The following SAMD3 variants were observed in gnomAD, a reference collection of about 807,000 sequenced individuals.
SAMD3 encodes sterile alpha motif domain-containing protein 3.
A neutral mutation model predicts 58.5 loss-of-function variants in SAMD3; 63 were observed. That is an observed-to-expected ratio of 1.08 (90% confidence interval 0.88 to 1.33). The LOEUF (loss-of-function observed/expected upper bound fraction) is 1.33. Ranked by LOEUF, SAMD3 falls within the 40% of genes most tolerant of loss-of-function variation. The pLI, the probability that SAMD3 is intolerant of heterozygous loss-of-function variation, is 0.00. For missense variants in SAMD3, 604 were observed against 608.4 expected (o/e 0.99, Z 0.08); for synonymous variants, 220 against 210.3 (o/e 1.05, Z -0.40).
At chr6:130,360,934 C>G (rs561980123) in intron 1 of SAMD3, among the ~76,000 whole-genome samples, 3 of 152,140 alleles carry the variant, frequency 2.0e-5, no homozygotes, top group African/African-American at 7.2e-5. Flanking sequence ...GGCTCTGTCC[C>G]GCCCGGCTCA....
At chr6:130,166,819 A>G (rs1790774448) in intron 8 of SAMD3, among the ~76,000 whole-genome samples, 1 of 152,206 alleles carries the variant, frequency 6.6e-6, no homozygotes, top group Non-Finnish European at 1.5e-5. Flanking sequence ...CACAGCAAGA[A>G]TGAAATTATG....
Position 130,271,406 on chromosome 6 carries a change from C to T in SAMD3, c.-188+41572G>A, listed in dbSNP as rs545587256. Among the ~76,000 whole-genome samples the T allele has an allele frequency of 4.5e-4, 69 of 152,240 alleles. No homozygotes were observed. In the Middle Eastern group the frequency reaches 0.01, roughly 23 times the overall value. On this transcript the variant is annotated intron_variant, in intron 2 of 13. Transcript: ENST00000368134. Reference sequence around the variant, plus strand: ...ATTTGATTGGGTTAAAATGTTTTCTCATTGTGATTTTTATTAGCATTTTTA... The same window carrying T: ...ATTTGATTGGGTTAAAATGTTTTCTTATTGTGATTTTTATTAGCATTTTTA...
chr6:130,349,684 A>G (rs12194297), intron 1 of SAMD3, among the ~76,000 whole-genome samples: 7,839 of 152,296 alleles, frequency 0.051, 255 homozygotes, highest in South Asian at 0.11. Context: ...TATTCCAATC[A>G]ATAGAAAAAG....
chr6:130,169,077 G>A (rs1790986747), intron 8 of SAMD3, among the ~76,000 whole-genome samples: 1 of 152,118 alleles, frequency 6.6e-6, no homozygotes. Flanking sequence ...GTCTCCCAAA[G>A]TGCTGGGATT....
intron 2 of SAMD3, among the ~76,000 whole-genome samples, chr6:130,255,002 A>G (rs552676457): frequency 6.6e-6 from 1 of 152,142 alleles, no homozygotes; most frequent in African/African-American, 2.4e-5. Flanking sequence ...TTGTGTTTCC[A>G]TGTTTGTCTC....
chr6:130,267,675 A>C (rs2114931925), intron 2 of SAMD3, among the ~76,000 whole-genome samples: 1 of 152,312 alleles, frequency 6.6e-6, no homozygotes, highest in East Asian at 1.9e-4. Context: ...CTGGTAGTTA[A>C]AATTTGACCC....
At chr6:130,337,456 A>G (rs573025102) in intron 1 of SAMD3, among the ~76,000 whole-genome samples, 106 of 152,296 alleles carry the variant, frequency 7.0e-4, no homozygotes, top group African/African-American at 2.3e-3. Context: ...TAGCAGTGTG[A>G]GAATGGACTA....
intron 5 of SAMD3, among the ~76,000 whole-genome samples, chr6:130,207,898 A>G (rs1425546520): frequency 6.6e-6 from 1 of 152,190 alleles, no homozygotes; most frequent in Non-Finnish European, 1.5e-5. Context: ...GCCCATTTGC[A>G]GGAGCTCCTC....
At chr6:130,194,990 G>A (rs534968734) in intron 5 of SAMD3, among the ~76,000 whole-genome samples, 24 of 152,192 alleles carry the variant, frequency 1.6e-4, no homozygotes, top group South Asian at 4.2e-4. Flanking sequence ...GTGGGTATTG[G>A]CGGCCAGGCT....
chr6:130,302,550 C>A (rs915655805), intron 2 of SAMD3, among the ~76,000 whole-genome samples: 2 of 152,096 alleles, frequency 1.3e-5, no homozygotes, highest in African/African-American at 4.8e-5. Context: ...ATAGAACTAC[C>A]ATTTGACCCA....
chr6:130,203,227 A>G (rs1889627), intron 5 of SAMD3, among the ~76,000 whole-genome samples: 61,540 of 151,918 alleles, frequency 0.41, 13,265 homozygotes, highest in African/African-American at 0.5. Flanking sequence ...GTGACTACCC[A>G]GACAAGAACA....
intron 1 of SAMD3, among the ~76,000 whole-genome samples, chr6:130,357,850 G>A (rs1475400711): frequency 6.6e-6 from 1 of 152,224 alleles, no homozygotes; most frequent in Non-Finnish European, 1.5e-5. Context: ...CTTTGTGAAA[G>A]CACGGTCATC....
At chr6:130,243,535 C>A (rs1302049919) in intron 2 of SAMD3, among the ~76,000 whole-genome samples, 2 of 152,158 alleles carry the variant, frequency 1.3e-5, no homozygotes, top group African/African-American at 4.8e-5. Context: ...AGATAAGTAG[C>A]ATTTCCATTT....
intron 1 of SAMD3, among the ~76,000 whole-genome samples, chr6:130,348,578 C>T (rs1470038064): frequency 1.3e-5 from 2 of 152,158 alleles, no homozygotes; most frequent in Admixed American, 1.3e-4. Context: ...ATTCATAAAG[C>T]AAGTCCTTAG....
At position 130,171,983 on chromosome 6, in the gene SAMD3, G is replaced by T. The variant is rs1356123212; in HGVS notation, c.822+3858C>A. On this transcript the variant is annotated intron_variant, in intron 8 of 11. Transcript: ENST00000439090. ...TGTAATGCCTTTCTTTGTCTTTTAT[G>T]ATCTTTGTTGGTATAAAGTCTGTTT... Among the ~76,000 whole-genome samples the T allele has an allele frequency of 5.9e-5, 9 of 152,218 alleles. No individual in the cohort carries two copies. The South Asian group carries it at 1.5e-3, about 25-fold the overall frequency.
intron 5 of SAMD3, among the ~76,000 whole-genome samples, chr6:130,195,427 C>T (rs2114759689): frequency 6.6e-6 from 1 of 152,300 alleles, no homozygotes; most frequent in East Asian, 1.9e-4. Context: ...ACAATTCCCC[C>T]ATTTTACCTA....
chr6:130,356,680 G>T (rs958243933), intron 1 of SAMD3, among the ~76,000 whole-genome samples: 6 of 152,170 alleles, frequency 3.9e-5, no homozygotes, highest in Non-Finnish European at 2.9e-5. Context: ...TCCTGTAGAC[G>T]GTACCAGAGT....
chr6:130,183,284 C>G (rs759024193), intron 7 of SAMD3: 6 of 428,524 alleles, frequency 1.4e-5, no homozygotes, highest in African/African-American at 1.3e-4. Context: ...TTGCAGTGAG[C>G]TGAGATCGCG....
At chr6:130,326,173 C>T (rs183793609) in intron 1 of SAMD3, among the ~76,000 whole-genome samples, 148 of 152,290 alleles carry the variant, frequency 9.7e-4, no homozygotes, top group Admixed American at 3.1e-3. Context: ...ACTGCAGTAG[C>T]TTATAGTTTG....
Sources: gnomAD v4.1 joint callset for allele counts (sites outside exome capture counted in the v4.1 genomes callset) on GRCh38, gnomAD v4.1.1 for gene constraint, MANE v1.5 for transcripts, NCBI Gene and HGNC (gene_info 2026-07-23, HGNC 2026-07-21) for gene names.